The following CYTH3 variants were observed in gnomAD, a reference collection of about 807,000 sequenced individuals.
CYTH3 encodes cytohesin 3.
CYTH3 carries 23 observed loss-of-function variants against 55.1 expected under a neutral mutation model. The ratio of observed to expected loss-of-function variants is 0.42; its 90% CI spans 0.30 to 0.59. The LOEUF is 0.59. CYTH3 is among the 20% of genes least tolerant of loss of function. The probability of loss-of-function intolerance (pLI) is 0.20; values close to 1 mark genes in which losing one functional copy is unlikely to be tolerated. For missense variants in CYTH3, 413 were observed against 524.8 expected, an observed-to-expected ratio of 0.79 and a Z score of 2.08; for synonymous variants, 249 against 194.9, an observed-to-expected ratio of 1.28 and a Z score of -2.31.
At chr7:6,182,035 C>A (rs1486256915) in intron 4 of CYTH3, among the ~76,000 whole-genome samples, 1 of 151,844 alleles carries the variant, frequency 6.6e-6, no homozygotes, top group Non-Finnish European at 1.5e-5. Context: ...TTTTTTGCTT[C>A]TTCTGTTTTT....
intron 1 of CYTH3, among the ~76,000 whole-genome samples, chr7:6,253,950 G>C (rs1357577003): frequency 6.6e-6 from 1 of 151,358 alleles, no homozygotes; most frequent in East Asian, 1.9e-4. Context: ...CCAAGATCAT[G>C]CCACTGCACT....
At chr7:6,178,512 T>G (rs1212350187) in intron 4 of CYTH3, among the ~76,000 whole-genome samples, 2 of 152,226 alleles carry the variant, frequency 1.3e-5, no homozygotes, top group African/African-American at 4.8e-5. Context: ...AAGGAGCCCA[T>G]GAGCCAGCAC....
chr7:6,243,057 T>C (rs368143414), intron 1 of CYTH3, among the ~76,000 whole-genome samples: 136 of 152,318 alleles, frequency 8.9e-4, no homozygotes, highest in Admixed American at 2.3e-3. Flanking sequence ...CTGTGGTCAA[T>C]AGATGCACAC....
intron 5 of CYTH3, among the ~76,000 whole-genome samples, chr7:6,176,483 G>C (rs970737894): frequency 2.6e-5 from 4 of 151,800 alleles, no homozygotes; most frequent in African/African-American, 7.3e-5. Context: ...GGATGGTCTC[G>C]ATCTCCTGAC....
At chr7:6,244,910 T>C (rs1364998910) in intron 1 of CYTH3, among the ~76,000 whole-genome samples, 1 of 137,396 alleles carries the variant, frequency 7.3e-6, no homozygotes, top group African/African-American at 2.7e-5. Context: ...TGCCTCAGCC[T>C]CCCGAGTAGC....
intron 1 of CYTH3, among the ~76,000 whole-genome samples, chr7:6,231,145 G>A (rs1426501300): frequency 6.6e-6 from 1 of 152,210 alleles, no homozygotes; most frequent in Non-Finnish European, 1.5e-5. Context: ...GTCTGCAGTC[G>A]GATGATGCAT....
In CYTH3 at chr7:6,162,144, T is replaced by C. The variant is rs185302377; in HGVS notation, c.*2800A>G. 102 of 152,752 alleles carry C rather than the reference T, an allele frequency of 6.7e-4. No homozygotes were observed. The highest frequency in any genetic ancestry group is 2.4e-3 in the African/African-American group (100 of 41,580). The allele number at this position is 152,752 out of a possible 1,614,324, so 9.5% of individuals were successfully genotyped here. A position where few individuals can be genotyped will look rare whatever the true frequency, so the allele number is the denominator to read the frequency against. The stretch of plus-strand genomic sequence containing the variant: ...GAAGCACTAAGTGCTGCTCCATCTA[T>C]AAATAGCTCCTATTTTCAGTTTGGT... On this transcript the variant is annotated 3_prime_UTR_variant, in exon 13 of 13. Transcript: ENST00000350796.
At chr7:6,202,629 A>G (rs1583781164) in intron 1 of CYTH3, among the ~76,000 whole-genome samples, 1 of 152,044 alleles carries the variant, frequency 6.6e-6, no homozygotes. Context: ...ACGCCCAACT[A>G]ATTTTGTTTT....
chr7:6,214,269 C>T lies in CYTH3; in HGVS notation c.35-23738G>A, dbSNP rs549586034. ...CCTAAGCCACTGTATAGCCTTTCAA[C>T]GTTTTTGTGTACTTGAAATTTTTCA... On this transcript the variant is annotated intron_variant, in intron 1 of 12. Coordinates refer to ENST00000350796, the MANE Select transcript of CYTH3 (RefSeq NM_004227.4). Among the ~76,000 whole-genome samples, 5 of 152,154 alleles carry T rather than the reference C, an allele frequency of 3.3e-5. No individual in the cohort carries two copies. The South Asian group carries it at 8.3e-4, about 25-fold the overall frequency.
chr7:6,205,975 A>G (rs1031924707), intron 1 of CYTH3, among the ~76,000 whole-genome samples: 8 of 151,944 alleles, frequency 5.3e-5, no homozygotes, highest in African/African-American at 1.7e-4. Context: ...TAGAGAAACA[A>G]CTGCTTAAAC....
At position 6,227,078 on chromosome 7, in the gene CYTH3, TA is replaced by T. The variant is rs397755364; in HGVS notation, c.35-36548del. 2.7e-3 allele frequency among the ~76,000 whole-genome samples: 307 copies of T among 112,868 alleles called. 1 individual carries two copies. The highest frequency in any genetic ancestry group is 3.3e-3 in the African/African-American group (107 of 32,390). The allele number at this position is 112,868 out of a possible 152,430, so 74.0% of individuals were successfully genotyped here. ...CTGGGCAACAGAGCAAGACTCTGTC[TA>T]AAAAAAAAAAAAAAAAAGTGGAAAG... On this transcript the variant is annotated intron_variant, in intron 1 of 12. Coordinates refer to ENST00000350796, the MANE Select transcript of CYTH3 (RefSeq NM_004227.4).
chr7:6,211,476 A>G (rs1176098512), intron 1 of CYTH3, among the ~76,000 whole-genome samples: 1 of 152,162 alleles, frequency 6.6e-6, no homozygotes, highest in Non-Finnish European at 1.5e-5. Flanking sequence ...AAACTTTAAA[A>G]TTTTTAATTG....
intron 1 of CYTH3, among the ~76,000 whole-genome samples, chr7:6,235,958 C>A (rs1779511753): frequency 6.6e-6 from 1 of 152,322 alleles, no homozygotes; most frequent in East Asian, 1.9e-4. Flanking sequence ...TTTATATTCA[C>A]ATTTCTTCAC....
intron 1 of CYTH3, among the ~76,000 whole-genome samples, chr7:6,240,943 G>A (rs1008980925): frequency 4.6e-5 from 7 of 150,842 alleles, no homozygotes; most frequent in Non-Finnish European, 8.9e-5. Flanking sequence ...GTGAAACCCC[G>A]TCTCTGCTGA....
chr7:6,209,200 C>T (rs1261151290), intron 1 of CYTH3, among the ~76,000 whole-genome samples: 3 of 152,246 alleles, frequency 2.0e-5, no homozygotes, highest in Non-Finnish European at 2.9e-5. Flanking sequence ...CGCTCTATGC[C>T]TCAGTTTCCT....
chr7:6,254,165 C>T (rs1010233421), intron 1 of CYTH3, among the ~76,000 whole-genome samples: 1 of 151,850 alleles, frequency 6.6e-6, no homozygotes, highest in Non-Finnish European at 1.5e-5. Flanking sequence ...GCCCTGGCCA[C>T]AGAGCAAGAC....
rs1240507707 is a variant in CYTH3 at position 6,205,867 on chromosome 7, C to T, written c.35-15336G>A. 4.0e-5 allele frequency among the ~76,000 whole-genome samples: 4 copies of T among 99,336 alleles called. 1 individual carries two copies. Among genetic ancestry groups the T allele is most frequent in the African/African-American group, 1.8e-4 (4 of 21,732 alleles). The allele number at this position is 99,336 out of a possible 152,430, so 65.2% of individuals were successfully genotyped here. On this transcript the variant is annotated intron_variant, in intron 1 of 12. Coordinates refer to ENST00000350796, the MANE Select transcript of CYTH3 (RefSeq NM_004227.4). ...CTAACCTGGGTGACAGAGCAAGGTC[C>T]TATCTCTTAAAAAAAAAAAAAAAAA...
chr7:6,248,403 G>C (rs1041287792), intron 1 of CYTH3, among the ~76,000 whole-genome samples: 1 of 152,114 alleles, frequency 6.6e-6, no homozygotes, highest in Non-Finnish European at 1.5e-5. Context: ...ATCTTCAAGG[G>C]AACGTCAGCT....
intron 1 of CYTH3, among the ~76,000 whole-genome samples, chr7:6,242,833 AC>A (rs1251927257): frequency 7.9e-5 from 12 of 151,890 alleles, no homozygotes; most frequent in Non-Finnish European, 1.3e-4. Context: ...CTCCTCCCAG[AC>A]CCCACTGCCA....
Sources: allele counts gnomAD v4.1 joint callset (sites outside exome capture counted in the v4.1 genomes callset), GRCh38; gene constraint gnomAD v4.1.1; transcripts MANE v1.5; gene names NCBI Gene and HGNC (gene_info 2026-07-23, HGNC 2026-07-21).